SMR3A: variants seen among roughly 807,000 people sequenced by gnomAD.
SMR3A encodes the protein submaxillary gland androgen-regulated protein 3A.
For synonymous variants in SMR3A, 48 were observed against 57.4 expected (o/e 0.84, Z 0.74); for missense variants, 188 against 163.0 (o/e 1.15, Z -0.84).
In SMR3A at chr4:70,367,068, C is replaced by A; in HGVS notation, c.*74C>A. ...CCTCGTAACTACTGCTTCTACTACC[C>A]AAAAATAAGAATTTCAACACTACTT... On this transcript the variant is annotated 3_prime_UTR_variant, in exon 3 of 3. Transcript: ENST00000226460. 7.8e-7 allele frequency: 1 copy of A among 1,289,034 alleles called. No homozygotes were observed. Among genetic ancestry groups the A allele is most frequent in the Non-Finnish European group, 1.1e-6 (1 of 908,730 alleles). The allele number at this position is 1,289,034 out of a possible 1,614,324, so 79.8% of individuals were successfully genotyped here.
intron 2 of SMR3A, 82 bp from the exon 3 acceptor site, chr4:70,366,562 C>T (rs757073678): frequency 3.1e-5 from 41 of 1,325,288 alleles, no homozygotes; most frequent in Non-Finnish European, 4.1e-5. Context: ...TCTCAGAGTT[C>T]TGCTTACCAT....
intron 2 of SMR3A, among the ~76,000 whole-genome samples, chr4:70,364,599 G>A (rs1394472247): frequency 2.0e-5 from 3 of 151,962 alleles, no homozygotes; most frequent in Non-Finnish European, 4.4e-5. Context: ...TGACTCCATG[G>A]TTGTGTGGCC....
At chr4:70,363,183 A>G (rs1390790181) in intron 2 of SMR3A, among the ~76,000 whole-genome samples, 1 of 151,986 alleles carries the variant, frequency 6.6e-6, no homozygotes, top group Non-Finnish European at 1.5e-5. Flanking sequence ...CATTTTATTC[A>G]GGCTTTTATT....
In SMR3A at chr4:70,361,751, G is replaced by T. The variant is rs1004911315; in HGVS notation, c.-14-351G>T. ...GTACCTGCTATTTAAAAATGCAAAAGTATTCAAATGTAAATAATTGTACAT... is the reference window on the plus strand; with the variant it reads ...GTACCTGCTATTTAAAAATGCAAAATTATTCAAATGTAAATAATTGTACAT... On this transcript the variant is annotated intron_variant, in intron 1 of 2. Coordinates refer to ENST00000226460, the MANE Select transcript of SMR3A (RefSeq NM_012390.4). 2.0e-5 allele frequency among the ~76,000 whole-genome samples: 3 copies of T among 151,758 alleles called. No individual in the cohort carries two copies. The Admixed American group carries it at 2.0e-4, about 10-fold the overall frequency.
At position 70,366,808 on chromosome 4, in the gene SMR3A, A is replaced by T. The variant is rs1250808321; in HGVS notation, c.219A>T (p.Pro73=). The part of the protein sequence containing the change: ...FPPPLSPPYG[P]GRIPPSPPPP... ...CACCCCTTTCTCCACCCTATGGTCC[A>T]GGGAGAATCCCACCATCCCCTCCTC... is the stretch of plus-strand genomic sequence containing the variant. The change falls in exon 3 of 3, where the codon CCA becomes CCT. Residue 73 remains proline (P), a synonymous_variant. Transcript: ENST00000226460. 40 of 1,613,292 alleles carry T rather than the reference A, an allele frequency of 2.5e-5. No individual in the cohort carries two copies. Among genetic ancestry groups the T allele is most frequent in the Non-Finnish European group, 3.4e-5 (40 of 1,179,702 alleles).
intron 2 of SMR3A, among the ~76,000 whole-genome samples, chr4:70,363,666 G>C (rs1035904138): frequency 6.6e-6 from 1 of 151,884 alleles, no homozygotes; most frequent in African/African-American, 2.4e-5. Flanking sequence ...GTTGTGGAAA[G>C]GGAGCTTATC....
Position 70,366,764 on chromosome 4 carries a change from G to T in SMR3A, c.175G>T (p.Gly59Cys). ...TCCACCACCCCATCCTCCACCCTATGGTCCAGGGAGATTTCCACCACCCCT... is the reference window on the plus strand; with the variant it reads ...TCCACCACCCCATCCTCCACCCTATTGTCCAGGGAGATTTCCACCACCCCT... ...FVPPPHPPPY[G>C]PGRFPPPLSP... Residue 59 changes from glycine to cysteine, a missense_variant, in exon 3 of 3, where the codon GGT becomes TGT. By Grantham distance (159) the Gly-to-Cys change is radical (BLOSUM62 -3). Transcript: ENST00000226460. The T allele has an allele frequency of 6.2e-7, 1 of 1,613,058 alleles. No homozygotes were observed. Among genetic ancestry groups the T allele is most frequent in the Non-Finnish European group, 8.5e-7 (1 of 1,179,422 alleles).
Position 70,362,123 on chromosome 4 carries a change from C to G in SMR3A, c.8C>G (p.Ser3Ter), listed in dbSNP as rs1179050542. MK[S>*]LTWILGLWAL... ...TCAGAGGCAACTGAAAGGATGAAAT[C>G]ACTGACTTGGATCTTGGGCCTTTGG... Residue 3 changes from serine to a stop codon, truncating the protein, a stop_gained, in exon 2 of 3, where the codon TCA (serine) becomes TGA (stop). Transcript: ENST00000226460. LOFTEE classifies it low-confidence loss of function (END_TRUNC). 3.1e-6 allele frequency: 5 copies of G among 1,611,774 alleles called. No homozygotes were observed. The highest frequency in any genetic ancestry group is 3.4e-6 in the Non-Finnish European group (4 of 1,178,360).
At chr4:70,365,813 T>C (rs1732248288) in intron 2 of SMR3A, among the ~76,000 whole-genome samples, 1 of 152,058 alleles carries the variant, frequency 6.6e-6, no homozygotes, top group South Asian at 2.1e-4. Flanking sequence ...TTAATTAATG[T>C]TCAAAGCCCA....
In SMR3A at chr4:70,367,109, A is replaced by G; in HGVS notation, c.*115A>G. The G allele has an allele frequency of 1.2e-6, 1 of 867,158 alleles. No homozygotes were observed. The highest frequency in any genetic ancestry group is 1.8e-6 in the Non-Finnish European group (1 of 564,856). 53.7% of individuals were successfully genotyped at this position (867,158 alleles called of 1,614,324 possible). A position where few individuals can be genotyped will look rare whatever the true frequency, so the allele number is the denominator to read the frequency against. On this transcript the variant is annotated 3_prime_UTR_variant, in exon 3 of 3. Coordinates refer to ENST00000226460, the MANE Select transcript of SMR3A (RefSeq NM_012390.4). ...AACACTACTTCCAAGAGACTTTTAG[A>G]TAAAATCACTTCCATTTTTGGATGA...
At position 70,367,005 on chromosome 4, in the gene SMR3A, C is replaced by T; in HGVS notation, c.*11C>T. 3 of 1,607,844 alleles carry T rather than the reference C, an allele frequency of 1.9e-6. No homozygotes were observed. Among genetic ancestry groups the T allele is most frequent in the Non-Finnish European group, 2.6e-6 (3 of 1,175,488 alleles). On this transcript the variant is annotated 3_prime_UTR_variant, in exon 3 of 3. Transcript: ENST00000226460. ...ACTCCTGCACCCTAAATACAGACAA[C>T]TGCAACAGGTGCCACCACCCACAAA...
Position 70,366,675 on chromosome 4 carries a change from C to T in SMR3A, c.86C>T (p.Pro29Leu). The change falls in exon 3 of 3, where the codon CCA (proline) becomes CTA (leucine). Residue 29 changes from proline (P) to leucine (L), a missense_variant. Transcript: ENST00000226460. ...PGESQRGPRGPYPPGPLAPPP... is the reference protein window; with the variant it reads ...PGESQRGPRGLYPPGPLAPPP... ...GAGAGTCAAAGAGGCCCCAGGGGAC[C>T]ATATCCACCTGGACCACTGGCTCCT... The T allele has an allele frequency of 1.2e-6, 2 of 1,612,260 alleles. No individual in the cohort carries two copies. The highest frequency in any genetic ancestry group is 2.7e-5 in the African/African-American group (2 of 74,950).
rs77807337 is a variant in SMR3A at position 70,366,779 on chromosome 4, C to T, written c.190C>T (p.Pro64Ser). The part of the protein sequence containing the change: ...HPPPYGPGRF[P>S]PPLSPPYGPG... The stretch of plus-strand genomic sequence containing the variant: ...TCCACCCTATGGTCCAGGGAGATTT[C>T]CACCACCCCTTTCTCCACCCTATGG... The change falls in exon 3 of 3, where the codon CCA becomes TCA. Residue 64 changes from proline to serine, a missense_variant. By Grantham distance (74) the Pro-to-Ser change is moderately conservative. Coordinates refer to ENST00000226460, the MANE Select transcript of SMR3A (RefSeq NM_012390.4). 305 of 1,613,550 alleles carry T rather than the reference C, an allele frequency of 1.9e-4. 2 individuals are homozygous for T. In the African/African-American group the frequency reaches 2.3e-3, roughly 12 times the overall value.
chr4:70,366,945 T>C lies in SMR3A; in HGVS notation c.356T>C (p.Phe119Ser), dbSNP rs1560523516. Residue 119 changes from phenylalanine to serine, a missense_variant, in exon 3 of 3, where the codon TTC becomes TCC. By Grantham distance (155) the Phe-to-Ser change is radical. Coordinates refer to ENST00000226460, the MANE Select transcript of SMR3A (RefSeq NM_012390.4). ...CCCTATCCACCTGGACCTCCATTTT[T>C]CCCTGTAAATTCTCCAACTGATCCT... ...PRPYPPGPPF[F>S]PVNSPTDPAL... 3 of 1,613,494 alleles carry C rather than the reference T, an allele frequency of 1.9e-6. No homozygotes were observed. Among genetic ancestry groups the C allele is most frequent in the Non-Finnish European group, 2.5e-6 (3 of 1,179,728 alleles).
intron 2 of SMR3A, among the ~76,000 whole-genome samples, chr4:70,365,703 T>C (rs114817974): frequency 0.019 from 2,881 of 152,150 alleles, 89 homozygotes; most frequent in African/African-American, 0.064. Flanking sequence ...AAGACATGTT[T>C]GTACCCCTGG....
intron 2 of SMR3A, among the ~76,000 whole-genome samples, chr4:70,365,672 A>T (rs1732244931): frequency 6.6e-6 from 1 of 151,920 alleles, no homozygotes; most frequent in Non-Finnish European, 1.5e-5. Context: ...TATTGTAATT[A>T]CTCAGCCTGT....
At chr4:70,365,158 CAG>C (rs1363061750) in intron 2 of SMR3A, among the ~76,000 whole-genome samples, 2 of 152,044 alleles carry the variant, frequency 1.3e-5, no homozygotes, top group African/African-American at 4.8e-5. Flanking sequence ...CTCCTTATCA[CAG>C]AGACAATCCT....
Position 70,366,975 on chromosome 4 carries a change from T to A in SMR3A, c.386T>A (p.Leu129His). Residue 129 changes from leucine to histidine, a missense_variant, in exon 3 of 3, where the codon CTC (leucine) becomes CAC (histidine). Physicochemically the swap from Leu to His is moderately conservative, Grantham distance 99 (BLOSUM62 -3). Coordinates refer to ENST00000226460, the MANE Select transcript of SMR3A (RefSeq NM_012390.4). ...FPVNSPTDPA[L>H]PTPAP Reference sequence around the variant, plus strand: ...GTAAATTCTCCAACTGATCCTGCCCTCCCTACTCCTGCACCCTAAATACAG... The same window carrying A: ...GTAAATTCTCCAACTGATCCTGCCCACCCTACTCCTGCACCCTAAATACAG... 6.2e-7 allele frequency: 1 copy of A among 1,613,046 alleles called. No homozygotes were observed. The highest frequency in any genetic ancestry group is 8.5e-7 in the Non-Finnish European group (1 of 1,179,428).
In SMR3A at chr4:70,366,882, A is replaced by G. The variant is rs1245761186; in HGVS notation, c.293A>G (p.Tyr98Cys). Reference protein sequence around the residue: ...RIQSHSLPPPYGPGYPQPPSQ... With the variant: ...RIQSHSLPPPCGPGYPQPPSQ... ...CAATCACACTCTCTTCCTCCTCCTT[A>G]TGGCCCAGGTTATCCACAGCCACCT... Residue 98 changes from tyrosine to cysteine, a missense_variant, in exon 3 of 3, where the codon TAT (tyrosine) becomes TGT (cysteine). Tyr to Cys is a radical substitution (Grantham distance 194). Transcript: ENST00000226460. The G allele has an allele frequency of 6.2e-7, 1 of 1,613,370 alleles. No individual in the cohort carries two copies. Among genetic ancestry groups the G allele is most frequent in the South Asian group, 1.1e-5 (1 of 91,064 alleles).
Sources: gnomAD v4.1 joint callset for allele counts (sites outside exome capture counted in the v4.1 genomes callset) on GRCh38, gnomAD v4.1.1 for gene constraint, MANE v1.5 for transcripts, NCBI Gene and HGNC (gene_info 2026-07-23, HGNC 2026-07-21) for gene names.